The following SIRT4 variants were observed in gnomAD, a reference collection of about 807,000 sequenced individuals.
The protein encoded by SIRT4 is sirtuin 4.
In SIRT4, 23 loss-of-function variants were observed where a neutral mutation model predicts 26.1. The observed-to-expected ratio is 0.88, with a 90% confidence interval of 0.63 to 1.25. SIRT4 has a LOEUF of 1.25. SIRT4 is among the 50% of genes most tolerant of loss of function. The pLI is 0.00. For missense variants in SIRT4, 361 were observed against 405.4 expected, an observed-to-expected ratio of 0.89 and a Z score of 0.94; for synonymous variants, 155 against 158.4, an observed-to-expected ratio of 0.98 and a Z score of 0.16.
In SIRT4 at chr12:120,312,646, G is replaced by A. The variant is rs1873032659; in HGVS notation, c.688G>A (p.Asp230Asn). ...TCAATGTGGAGGCCATCTGAAACCA[G>A]ATGTCGTTTTCTTCGGGGACACAGT... The part of the protein sequence containing the change: ...CVQCGGHLKP[D>N]VVFFGDTVNP... Residue 230 changes from aspartate to asparagine, a missense_variant, in exon 3 of 4, where the codon GAT (aspartate) becomes AAT (asparagine). Transcript: ENST00000202967. 1.2e-6 allele frequency: 2 copies of A among 1,614,128 alleles called. No homozygotes were observed. Among genetic ancestry groups the A allele is most frequent in the African/African-American group, 1.3e-5 (1 of 75,030 alleles).
upstream of SIRT4, among the ~76,000 whole-genome samples, chr12:120,299,222 A>AAAATAAAT (rs34606459): frequency 3.0e-3 from 428 of 143,640 alleles, 1 homozygote; most frequent in African/African-American, 5.2e-3. Context: ...CTCCGTCTCA[A>AAAATAAAT]AAATAAATAA....
upstream of SIRT4, among the ~76,000 whole-genome samples, chr12:120,301,984 G>A (rs1872565424): frequency 6.8e-6 from 1 of 146,326 alleles, no homozygotes; most frequent in Non-Finnish European, 1.5e-5. Flanking sequence ...GGAGAGGGAG[G>A]TTGCAGTGAG....
chr12:120,293,608 T>A, the SIRT4 span, among the ~76,000 whole-genome samples: 11 of 152,334 alleles, frequency 7.2e-5, no homozygotes, highest in Non-Finnish European at 7.3e-5. Context: ...AACTTTTTTT[T>A]AAATTATGCC....
the SIRT4 span, among the ~76,000 whole-genome samples, chr12:120,293,804 C>T: frequency 1.1e-4 from 16 of 151,864 alleles, no homozygotes; most frequent in South Asian, 3.1e-3. Flanking sequence ...CTCCAGCCCC[C>T]GTGGCAACCT....
the SIRT4 span, among the ~76,000 whole-genome samples, chr12:120,292,934 C>T: frequency 6.6e-6 from 1 of 152,216 alleles, no homozygotes; most frequent in Admixed American, 6.5e-5. Context: ...ACGCAAATCA[C>T]TAAAACAGGT....
Position 120,312,566 on chromosome 12 carries a change from G to A in SIRT4, c.608G>A (p.Gly203Asp), listed in dbSNP as rs141365005. ...SAEAHGLAPDGDVFLSEEQVR... is the reference protein window; with the variant it reads ...SAEAHGLAPDDDVFLSEEQVR... The stretch of plus-strand genomic sequence containing the variant: ...GAGGCCCATGGCCTGGCTCCTGATG[G>A]TGACGTCTTTCTCTCAGAGGAGCAA... The change falls in exon 3 of 4, where the codon GGT (glycine) becomes GAT (aspartate). Residue 203 changes from glycine to aspartate, a missense_variant. Gly to Asp is a moderately conservative substitution (Grantham distance 94). Coordinates refer to ENST00000202967, the MANE Select transcript of SIRT4 (RefSeq NM_012240.3). The A allele has an allele frequency of 8.3e-4, 1,340 of 1,614,078 alleles. 1 individual carries two copies. The highest frequency in any genetic ancestry group is 1.3e-3 in the Admixed American group (75 of 59,984).
the SIRT4 span, among the ~76,000 whole-genome samples, chr12:120,296,419 G>C: frequency 6.7e-6 from 1 of 150,352 alleles, no homozygotes; most frequent in Admixed American, 6.6e-5. Flanking sequence ...GGGTTTCACC[G>C]TGTTAGCCAG....
At chr12:120,296,331 C>CCTCA in the SIRT4 span, among the ~76,000 whole-genome samples, 1 of 151,476 alleles carries the variant, frequency 6.6e-6, no homozygotes, top group Non-Finnish European at 1.5e-5. Flanking sequence ...CATTCTCCTG[C>CCTCA]CTCAGCCTCC....
the SIRT4 span, among the ~76,000 whole-genome samples, chr12:120,297,259 T>C: frequency 8.1e-6 from 1 of 124,128 alleles, no homozygotes; most frequent in Non-Finnish European, 1.6e-5. Flanking sequence ...CATACATACA[T>C]ACATAAAATA....
intron 2 of SIRT4, among the ~76,000 whole-genome samples, chr12:120,307,966 A>G (rs958707206): frequency 2.0e-5 from 3 of 152,180 alleles, no homozygotes; most frequent in Non-Finnish European, 4.4e-5. Context: ...TGCATGTTCA[A>G]ATAAACAGAT....
the SIRT4 span, chr12:120,291,804 T>G: frequency 1.3e-5 from 2 of 152,214 alleles, no homozygotes; most frequent in Non-Finnish European, 2.9e-5. Flanking sequence ...CCGACTATAT[T>G]TCAAGTCGTC....
intron 2 of SIRT4, among the ~76,000 whole-genome samples, chr12:120,305,881 G>A (rs550475651): frequency 3.0e-4 from 45 of 151,640 alleles, no homozygotes; most frequent in Non-Finnish European, 5.6e-4. Flanking sequence ...GCGCGGTGGC[G>A]GACGCCTGTA....
chr12:120,298,628 G>T (rs530785344), upstream of SIRT4, among the ~76,000 whole-genome samples: 2 of 152,086 alleles, frequency 1.3e-5, no homozygotes, highest in African/African-American at 2.4e-5. Context: ...AATTAAAGTG[G>T]CAGGGCGCAG....
the SIRT4 span, among the ~76,000 whole-genome samples, chr12:120,294,539 G>A: frequency 6.6e-6 from 1 of 151,980 alleles, no homozygotes. Flanking sequence ...TTACAGCCGT[G>A]AGCCACCGCG....
At chr12:120,304,835 ATTTTTTTTTTT>A (rs1169655844) in intron 2 of SIRT4, among the ~76,000 whole-genome samples, 5 of 24,878 alleles carry the variant, frequency 2.0e-4, no homozygotes, top group Admixed American at 9.6e-4. Flanking sequence ...ATATATATAT[ATTTTTTTTTTT>A]TTTTTTTTTT....
chr12:120,305,240 C>T (rs552958458), intron 2 of SIRT4, among the ~76,000 whole-genome samples: 1 of 52,536 alleles, frequency 1.9e-5, no homozygotes, highest in South Asian at 1.1e-3. Context: ...TTTGTGTGTG[C>T]ACGTGTGTGT....
intron 2 of SIRT4, among the ~76,000 whole-genome samples, chr12:120,310,701 A>G (rs368898620): frequency 1.3e-5 from 2 of 149,388 alleles, no homozygotes; most frequent in African/African-American, 4.9e-5. Flanking sequence ...ATGCCACTGC[A>G]CTCCAGGTAA....
At chr12:120,302,844 C>G (rs1373324141) in intron 1 of SIRT4, among the ~76,000 whole-genome samples, 1 of 151,640 alleles carries the variant, frequency 6.6e-6, no homozygotes, top group Non-Finnish European at 1.5e-5. Flanking sequence ...CTCAGCCTCC[C>G]TAGTAGCTGG....
At position 120,313,104 on chromosome 12, in the gene SIRT4, C is replaced by A. The variant is rs1873060828; in HGVS notation, c.*68C>A. On this transcript the variant is annotated 3_prime_UTR_variant, in exon 4 of 4. Coordinates refer to ENST00000202967, the MANE Select transcript of SIRT4 (RefSeq NM_012240.3). ...TGAATCTTGCTGCTAAATGTAAATG[C>A]CTTCTCAAATGACAGATTCCAGTTC... is the stretch of plus-strand genomic sequence containing the variant. 1 of 1,573,028 alleles carries A rather than the reference C, an allele frequency of 6.4e-7. No individual in the cohort carries two copies. The highest frequency in any genetic ancestry group is 1.7e-5 in the Admixed American group (1 of 59,474).
Sources: allele counts gnomAD v4.1 joint callset (sites outside exome capture counted in the v4.1 genomes callset), GRCh38; gene constraint gnomAD v4.1.1; transcripts MANE v1.5; gene names NCBI Gene and HGNC (gene_info 2026-07-23, HGNC 2026-07-21).